The following MACF1 variants were observed in gnomAD, a reference collection of about 807,000 sequenced individuals.
MACF1 encodes microtubule actin crosslinking factor 1, also known as microtubule-actin cross-linking factor 1.
In MACF1, 193 loss-of-function variants were observed where a neutral mutation model predicts 854.8. The observed-to-expected ratio is 0.23, with a 90% CI of 0.20 to 0.25. The LOEUF is 0.25. MACF1 is among the 10% of genes least tolerant of loss of function. The pLI, the probability that MACF1 is intolerant of heterozygous loss-of-function variation, is 1.00. For missense variants in MACF1, 7,722 were observed against 8,929.1 expected (o/e 0.86, Z 5.45); for synonymous variants, 3,185 against 3,226.7 (o/e 0.99, Z 0.44).
chr1:39,449,540 AG>A (rs1316881650), intron 84 of MACF1, among the ~76,000 whole-genome samples: 1 of 151,798 alleles, frequency 6.6e-6, no homozygotes, highest in African/African-American at 2.4e-5. Flanking sequence ...CTGGGACTAC[AG>A]GCACCCGCCA....
chr1:39,116,109 T>C (rs1373904912), intron 2 of MACF1, among the ~76,000 whole-genome samples: 2 of 152,200 alleles, frequency 1.3e-5, no homozygotes, highest in Non-Finnish European at 2.9e-5. Flanking sequence ...TGAGCATGTT[T>C]ATTTTAAGTG....
At chr1:39,225,618 C>G (rs529801227) in intron 1 of MACF1, among the ~76,000 whole-genome samples, 2 of 152,312 alleles carry the variant, frequency 1.3e-5, no homozygotes, top group South Asian at 2.1e-4. Context: ...GTAGGGTTCT[C>G]TGCTTCTGTA....
chr1:39,466,133 C>T (rs1331097458), intron 95 of MACF1, among the ~76,000 whole-genome samples: 1 of 152,220 alleles, frequency 6.6e-6, no homozygotes, highest in Non-Finnish European at 1.5e-5. Context: ...CATGCCTACT[C>T]TCACACAGCT....
intron 15 of MACF1, 112 bp downstream of exon 15, chr1:39,287,674 A>G: frequency 8.3e-7 from 1 of 1,205,730 alleles, no homozygotes; most frequent in Non-Finnish European, 1.2e-6. Flanking sequence ...CTTAATTATT[A>G]TTATTCTTTT....
intron 6 of MACF1, 38 bp from the exon 7 acceptor site, chr1:39,282,170 A>G (rs772978957): frequency 1.2e-6 from 2 of 1,601,214 alleles, no homozygotes; most frequent in South Asian, 1.1e-5. Flanking sequence ...ACTTTGTCTT[A>G]TTTATAATGA....
At position 39,483,145 on chromosome 1, in the gene MACF1, A is replaced by G. The variant is rs143188837; in HGVS notation, c.22282-1456A>G. Among the ~76,000 whole-genome samples, 521 of 150,320 alleles carry G rather than the reference A, an allele frequency of 3.5e-3. 5 individuals are homozygous for G. Among genetic ancestry groups the G allele is most frequent in the African/African-American group, 0.012 (474 of 40,684 alleles). On this transcript the variant is annotated intron_variant, in intron 99 of 100. Transcript: ENST00000564288. ...ACATTTAAAATACTCTTTTTCCTCC[A>G]GTTAAGCCTACTATCTAAAAAACCA... is the stretch of plus-strand genomic sequence containing the variant.
chr1:39,198,457 C>A (rs12090993), intron 2 of MACF1, among the ~76,000 whole-genome samples: 71 of 151,766 alleles, frequency 4.7e-4, no homozygotes, highest in African/African-American at 1.6e-3. Flanking sequence ...TCGAGACCAG[C>A]CTAACCAATG....
At chr1:39,430,287 ATTAT>A (rs1248116603) in intron 65 of MACF1, among the ~76,000 whole-genome samples, 4 of 151,866 alleles carry the variant, frequency 2.6e-5, no homozygotes, top group Non-Finnish European at 5.9e-5. Context: ...TTTAACCTCT[ATTAT>A]TTATTCTCTA....
Position 39,310,265 on chromosome 1 carries a change from G to A in MACF1, c.2937G>A (p.Gly979=). The A allele has an allele frequency of 6.2e-7, 1 of 1,613,466 alleles. No homozygotes were observed. The change falls in exon 25 of 101, where the codon GGG becomes GGA. Residue 979 remains glycine, a synonymous_variant. Coordinates refer to ENST00000564288, the MANE Select transcript of MACF1 (RefSeq NM_001394062.1). ...NLEKLRSSAP[G]ECHQIMKNLQ... ...TCTAGCTTCGATCCTCAGCACCAGGGGAGTGCCATCAGATTATGAAGAACC... is the reference window on the plus strand; with the variant it reads ...TCTAGCTTCGATCCTCAGCACCAGGAGAGTGCCATCAGATTATGAAGAACC...
chr1:39,086,479 A>G (rs1301366345), intron 2 of MACF1, among the ~76,000 whole-genome samples: 1 of 152,210 alleles, frequency 6.6e-6, no homozygotes, highest in East Asian at 1.9e-4. Flanking sequence ...CCTAGGGTGC[A>G]GGAAGGGGTT....
intron 6 of MACF1, among the ~76,000 whole-genome samples, chr1:39,275,847 A>C (rs928291523): frequency 5.3e-5 from 8 of 152,026 alleles, no homozygotes. Context: ...GTTCCTCACC[A>C]ACATAGCTGC....
chr1:39,322,277 G>A (rs1227804203), intron 31 of MACF1, among the ~76,000 whole-genome samples: 1 of 152,104 alleles, frequency 6.6e-6, no homozygotes, highest in African/African-American at 2.4e-5. Flanking sequence ...TTTTTGTATG[G>A]CCCATGAGAA....
At chr1:39,266,886 G>A (rs543604975) in intron 6 of MACF1, among the ~76,000 whole-genome samples, 4 of 152,058 alleles carry the variant, frequency 2.6e-5, no homozygotes, top group South Asian at 4.1e-4. Flanking sequence ...TTTTGAATCC[G>A]ACTTTTACAG....
At position 39,237,430 on chromosome 1, in the gene MACF1, C is replaced by A. The variant is rs544084578; in HGVS notation, c.171+6187C>A. ...TCTCTGTTAAGTGCTGCACATAGCA[C>A]ATGAGAAGTATCCAATAAGTACTTG... On this transcript the variant is annotated intron_variant, in intron 2 of 100. Coordinates refer to ENST00000564288, the MANE Select transcript of MACF1 (RefSeq NM_001394062.1). 7.2e-5 allele frequency among the ~76,000 whole-genome samples: 11 copies of A among 152,332 alleles called. No homozygotes were observed. In the South Asian group the frequency reaches 2.3e-3, roughly 32 times the overall value.
At chr1:39,349,873 C>A (rs947185865) in intron 42 of MACF1, among the ~76,000 whole-genome samples, 1 of 152,186 alleles carries the variant, frequency 6.6e-6, no homozygotes, top group African/African-American at 2.4e-5. Context: ...AAGCAATCCT[C>A]CTGCCGTGGC....
intron 70 of MACF1, among the ~76,000 whole-genome samples, chr1:39,436,983 A>G (rs1452008743): frequency 6.6e-5 from 10 of 152,166 alleles, no homozygotes; most frequent in Non-Finnish European, 1.5e-4. Flanking sequence ...ACTGCATGCC[A>G]TGTTACTTTT....
At chr1:39,465,045 CTTT>C in intron 94 of MACF1, 47 bp from the exon 95 acceptor site, 1 of 1,529,002 alleles carries the variant, frequency 6.5e-7, no homozygotes, top group South Asian at 1.1e-5. Flanking sequence ...AAAATGTTCT[CTTT>C]TTTTTTCCCC....
rs1244844620 is a variant in MACF1, at chr1:39,105,321, A to G, written c.220+20883A>G. On this transcript the variant is annotated intron_variant, in intron 2 of 93. Transcript: ENST00000361689. The surrounding 1 kb of genome is among the most constrained non-coding windows in gnomAD (Gnocchi z 5.9). ...CGGGCCTGGCGCTCCTGACAGGAGG[A>G]GCCGCCGCCGCCGCCCGCCGCTGCA... 1 of 811,962 alleles carries G rather than the reference A, an allele frequency of 1.2e-6. No homozygotes were observed. Among genetic ancestry groups the G allele is most frequent in the Non-Finnish European group, 1.5e-6 (1 of 672,906 alleles). 50.3% of individuals were successfully genotyped at this position (811,962 alleles called of 1,614,324 possible). A position where few individuals can be genotyped will look rare whatever the true frequency, so the allele number is the denominator to read the frequency against.
Position 39,331,552 on chromosome 1 carries a change from A to G in MACF1, c.4964A>G (p.His1655Arg). 4 of 1,614,148 alleles carry G rather than the reference A, an allele frequency of 2.5e-6. No individual in the cohort carries two copies. The highest frequency in any genetic ancestry group is 2.5e-6 in the Non-Finnish European group (3 of 1,179,984). The change falls in exon 37 of 101, where the codon CAC becomes CGC. Residue 1655 changes from histidine (H) to arginine (R), a missense_variant. This residue lies in a region of MACF1 where 1,531 missense variants were observed against 1,601.6 expected (regional missense o/e 0.96). Transcript: ENST00000564288. Reference protein sequence around the residue: ...ETVGLKILEAHLATGGFSLSP... With the variant: ...ETVGLKILEARLATGGFSLSP... ...GTTGGACTGAAAATCTTAGAAGCTCACCTGGCAACTGGAGGTTTCAGTCTT... is the reference window on the plus strand; with the variant it reads ...GTTGGACTGAAAATCTTAGAAGCTCGCCTGGCAACTGGAGGTTTCAGTCTT...
Sources: gnomAD v4.1 joint callset for allele counts (sites outside exome capture counted in the v4.1 genomes callset) on GRCh38, gnomAD v4.1.1 for gene constraint, gnomAD v4.1.1 regional missense constraint, Gnocchi (gnomAD v3.1) non-coding constraint, MANE v1.5 for transcripts, NCBI Gene and HGNC (gene_info 2026-07-23, HGNC 2026-07-21) for gene names.